EPHA6: variants seen among roughly 807,000 people sequenced by gnomAD.
EPHA6 encodes EPH receptor A6.
EPHA6 carries 50 observed loss-of-function variants against 112.0 expected under a neutral mutation model. That is an observed-to-expected ratio of 0.45 (90% CI 0.36 to 0.56). The LOEUF is 0.56. EPHA6 is among the 20% of genes least tolerant of loss of function. The pLI, the probability that EPHA6 is intolerant of heterozygous loss-of-function variation, is 0.00. For synonymous variants in EPHA6, 529 were observed against 490.7 expected, an observed-to-expected ratio of 1.08 and a Z score of -1.03; for missense variants, 1,280 against 1,417.4, an observed-to-expected ratio of 0.90 and a Z score of 1.56.
chr3:97,151,016 A>G (rs2076159744), intron 3 of EPHA6, among the ~76,000 whole-genome samples: 1 of 152,160 alleles, frequency 6.6e-6, no homozygotes, highest in African/African-American at 2.4e-5. Context: ...GAAGTTAGTC[A>G]TGGAATACTA....
chr3:97,044,706 T>C (rs2045440918), intron 3 of EPHA6, among the ~76,000 whole-genome samples: 1 of 150,056 alleles, frequency 6.7e-6, no homozygotes, highest in Non-Finnish European at 1.5e-5. Flanking sequence ...CAAACAACTA[T>C]GTTCTAGGAA....
At chr3:97,189,897 C>G (rs2077254908) in intron 3 of EPHA6, among the ~76,000 whole-genome samples, 1 of 152,058 alleles carries the variant, frequency 6.6e-6, no homozygotes, top group Non-Finnish European at 1.5e-5. Flanking sequence ...TTTTTACGTG[C>G]TATTCCATGA....
chr3:97,252,883 A>G (rs1293521086), intron 5 of EPHA6, among the ~76,000 whole-genome samples: 1 of 152,226 alleles, frequency 6.6e-6, no homozygotes, highest in Non-Finnish European at 1.5e-5. Context: ...CCAGCCCTGA[A>G]AACATTTTGT....
At chr3:97,728,335 A>AG (rs2034876889) in intron 15 of EPHA6, among the ~76,000 whole-genome samples, 2 of 152,074 alleles carry the variant, frequency 1.3e-5, no homozygotes, top group South Asian at 4.1e-4. Context: ...AGAAAAAAAA[A>AG]TAGTCTCAGA....
chr3:97,693,276 A>G (rs2032792562), intron 14 of EPHA6, among the ~76,000 whole-genome samples: 1 of 152,204 alleles, frequency 6.6e-6, no homozygotes, highest in Non-Finnish European at 1.5e-5. Flanking sequence ...AGGAAGAGGC[A>G]CATACATTGT....
intron 5 of EPHA6, among the ~76,000 whole-genome samples, chr3:97,373,530 C>G (rs1340748790): frequency 6.6e-6 from 1 of 152,024 alleles, no homozygotes; most frequent in Non-Finnish European, 1.5e-5. Context: ...GAATATTATT[C>G]CACAGTCATT....
At chr3:96,817,298 A>G (rs1246509400) in intron 1 of EPHA6, among the ~76,000 whole-genome samples, 1 of 151,942 alleles carries the variant, frequency 6.6e-6, no homozygotes, top group Non-Finnish European at 1.5e-5. Context: ...AAATCATCAC[A>G]CTAATGGTTA....
chr3:96,923,405 T>G (rs911865732), intron 2 of EPHA6, among the ~76,000 whole-genome samples: 4 of 152,258 alleles, frequency 2.6e-5, no homozygotes, highest in African/African-American at 9.6e-5. Context: ...TTGAAAAGTT[T>G]TTTACATATA....
At chr3:96,854,065 C>A (rs1216242482) in intron 1 of EPHA6, among the ~76,000 whole-genome samples, 1 of 151,322 alleles carries the variant, frequency 6.6e-6, no homozygotes. Flanking sequence ...ATTATAAATT[C>A]CTCACCTACT....
intron 3 of EPHA6, among the ~76,000 whole-genome samples, chr3:97,069,637 T>C (rs2046291669): frequency 6.6e-6 from 1 of 152,170 alleles, no homozygotes; most frequent in Admixed American, 6.6e-5. Context: ...AAACAGCATC[T>C]GTATGGCAGT....
chr3:97,178,542 T>A (rs1245426318), intron 3 of EPHA6, among the ~76,000 whole-genome samples: 1 of 152,128 alleles, frequency 6.6e-6, no homozygotes, highest in East Asian at 1.9e-4. Flanking sequence ...GGTCTAATGT[T>A]GATTAAATCC....
chr3:97,418,614 A>C (rs1241898777), intron 6 of EPHA6, among the ~76,000 whole-genome samples: 1 of 152,168 alleles, frequency 6.6e-6, no homozygotes, highest in Non-Finnish European at 1.5e-5. Flanking sequence ...TAAGGGTAAA[A>C]TATTGGTGTT....
chr3:97,069,916 G>A (rs906020979), intron 3 of EPHA6, among the ~76,000 whole-genome samples: 3 of 152,162 alleles, frequency 2.0e-5, no homozygotes, highest in Middle Eastern at 3.4e-3. Flanking sequence ...AATAGAAAAG[G>A]TGTGTTTAAG....
chr3:97,500,129 A>C (rs1560074306), intron 10 of EPHA6, among the ~76,000 whole-genome samples: 1 of 152,090 alleles, frequency 6.6e-6, no homozygotes, highest in Non-Finnish European at 1.5e-5. Context: ...TAAAACACAA[A>C]CATACACATG....
intron 7 of EPHA6, among the ~76,000 whole-genome samples, chr3:97,458,393 A>G (rs1215821622): frequency 6.6e-6 from 1 of 151,924 alleles, no homozygotes; most frequent in Non-Finnish European, 1.5e-5. Flanking sequence ...CTCTTGCACT[A>G]TAGTTTTTTT....
At position 97,024,637 on chromosome 3, in the gene EPHA6, G is replaced by A. The variant is rs554197358; in HGVS notation, c.1114+36644G>A. On this transcript the variant is annotated intron_variant, in intron 3 of 17. Transcript: ENST00000389672. The stretch of plus-strand genomic sequence containing the variant: ...CCAATTTTCAAAATCAAGAAATCAA[G>A]AATCATGTTTACATGGTTTTTTTAA... Among the ~76,000 whole-genome samples, 10 of 152,232 alleles carry A rather than the reference G, an allele frequency of 6.6e-5. No individual in the cohort carries two copies. In the East Asian group the frequency reaches 9.7e-4, roughly 15 times the overall value.
intron 3 of EPHA6, among the ~76,000 whole-genome samples, chr3:97,023,638 C>T (rs2044538476): frequency 6.6e-6 from 1 of 151,408 alleles, no homozygotes; most frequent in African/African-American, 2.4e-5. Context: ...TAGTATATGA[C>T]CTTTAGAAGT....
chr3:97,489,617 C>T (rs545423619), intron 10 of EPHA6, among the ~76,000 whole-genome samples: 16 of 149,298 alleles, frequency 1.1e-4, no homozygotes, highest in African/African-American at 3.9e-4. Context: ...ACCCGGGAGG[C>T]AGAGCTTGCA....
chr3:96,889,024 C>A (rs183612803), intron 2 of EPHA6, among the ~76,000 whole-genome samples: 1,581 of 152,146 alleles, frequency 0.01, 25 homozygotes, highest in African/African-American at 0.036. Context: ...TTCAAAGTTC[C>A]ACAAATCCGG....
Sources: gnomAD v4.1 joint callset for allele counts (sites outside exome capture counted in the v4.1 genomes callset) on GRCh38, gnomAD v4.1.1 for gene constraint, MANE v1.5 for transcripts, NCBI Gene and HGNC (gene_info 2026-07-23, HGNC 2026-07-21) for gene names.